Variants in RYR2 observed in about 807,000 individuals in gnomAD.
RYR2 encodes the protein cardiac muscle ryanodine receptor-calcium release channel.
RYR2 carries 227 observed loss-of-function variants against 601.1 expected under a neutral mutation model. The observed-to-expected ratio is 0.38, with a 90% confidence interval of 0.34 to 0.42. The LOEUF is 0.42. Among genes scored for constraint, RYR2 ranks in the 10% least tolerant of loss-of-function variants. RYR2 has a pLI of 1.00. For missense variants in RYR2, 4,646 were observed against 6,156.5 expected, an observed-to-expected ratio of 0.75 and a Z score of 8.21; for synonymous variants, 2,223 against 2,175.1, an observed-to-expected ratio of 1.02 and a Z score of -0.61.
chr1:237,148,313 A>G (rs1392490533), intron 1 of RYR2, among the ~76,000 whole-genome samples: 3 of 151,886 alleles, frequency 2.0e-5, no homozygotes, highest in South Asian at 4.2e-4. Context: ...ATGAGAACAC[A>G]TGGACACAGT....
At chr1:237,131,391 C>T (rs1672157270) in intron 1 of RYR2, among the ~76,000 whole-genome samples, 1 of 151,830 alleles carries the variant, frequency 6.6e-6, no homozygotes, top group South Asian at 2.1e-4. Flanking sequence ...ATGAGATAAA[C>T]AAAAGAGTCA....
intron 34 of RYR2, among the ~76,000 whole-genome samples, chr1:237,601,492 A>T (rs1206446864): frequency 6.6e-6 from 1 of 152,142 alleles, no homozygotes; most frequent in Admixed American, 6.5e-5. Flanking sequence ...AACATTAGAA[A>T]GGAAGAATAA....
At chr1:237,132,682 G>A (rs774606829) in intron 1 of RYR2, among the ~76,000 whole-genome samples, 32 of 152,140 alleles carry the variant, frequency 2.1e-4, no homozygotes, top group Admixed American at 1.0e-3. Context: ...ACTCACAGAA[G>A]GAAAAGAAAG....
chr1:237,277,778 C>T (rs1690439784), intron 2 of RYR2, among the ~76,000 whole-genome samples: 1 of 151,640 alleles, frequency 6.6e-6, no homozygotes, highest in South Asian at 2.1e-4. Context: ...CGAGATCGTA[C>T]CACTGCATTG....
intron 1 of RYR2, among the ~76,000 whole-genome samples, chr1:237,136,262 A>G (rs1209140072): frequency 6.6e-6 from 1 of 152,186 alleles, no homozygotes; most frequent in Non-Finnish European, 1.5e-5. Flanking sequence ...GACTGAGACC[A>G]CCATAATGCA....
chr1:237,789,059 AAATTTTTAT>A (rs1277106684), intron 92 of RYR2, among the ~76,000 whole-genome samples: 3 of 151,580 alleles, frequency 2.0e-5, no homozygotes, highest in East Asian at 1.9e-4. Flanking sequence ...TAATTTTTAT[AAATTTTTAT>A]AATTTTTATA....
At chr1:237,211,293 A>G (rs1214382981) in intron 1 of RYR2, among the ~76,000 whole-genome samples, 2 of 152,136 alleles carry the variant, frequency 1.3e-5, no homozygotes, top group Non-Finnish European at 2.9e-5. Context: ...TTTAGATTTG[A>G]CTATATGTGT....
intron 25 of RYR2, among the ~76,000 whole-genome samples, chr1:237,533,893 A>T (rs950513984): frequency 6.6e-6 from 1 of 152,128 alleles, no homozygotes; most frequent in African/African-American, 2.4e-5. Flanking sequence ...AGTTAATTTT[A>T]TTATAATGCT....
Position 237,660,912 on chromosome 1 carries a change from T to G in RYR2, c.8401T>G (p.Tyr2801Asp). ...RTREGDSMAL[Y>D]NRTRRISQTS... ...TCGGGAGGGAGACAGCATGGCCCTT[T>G]ACAACCGGACTCGTCGTATTTCTCA... Residue 2801 changes from tyrosine to aspartate, a missense_variant, in exon 56 of 105, where the codon TAC becomes GAC. Around this residue, in one of 17 missense-constraint regions of RYR2, gnomAD observed 1,497 missense variants for 1,842.6 expected, o/e 0.81. Coordinates refer to ENST00000366574, the MANE Select transcript of RYR2 (RefSeq NM_001035.3). 6.6e-7 allele frequency: 1 copy of G among 1,504,144 alleles called. No individual in the cohort carries two copies. 93.2% of individuals were successfully genotyped at this position (1,504,144 alleles called of 1,614,324 possible).
At position 237,112,412 on chromosome 1, in the gene RYR2, C is replaced by T. The variant is rs555057269; in HGVS notation, c.48+69843C>T. ...TACAGGCGTGAGCCACCGTGCCCGG[C>T]CCCCTCCTCTCTTTTTATCTCTCTG... On this transcript the variant is annotated intron_variant, in intron 1 of 104. Transcript: ENST00000366574. 2.0e-5 allele frequency among the ~76,000 whole-genome samples: 3 copies of T among 152,270 alleles called. No homozygotes were observed. The South Asian group carries it at 6.2e-4, about 32-fold the overall frequency.
intron 42 of RYR2, among the ~76,000 whole-genome samples, chr1:237,631,915 G>C (rs997463248): frequency 6.6e-6 from 1 of 151,710 alleles, no homozygotes; most frequent in Non-Finnish European, 1.5e-5. Flanking sequence ...TTACAGGCGT[G>C]AGCCACCGCG....
rs549213632 is a variant in RYR2 at position 237,148,566 on chromosome 1, A to G, written c.48+105997A>G. 1.2e-3 allele frequency among the ~76,000 whole-genome samples: 129 copies of G among 110,668 alleles called. 1 individual carries two copies. The highest frequency in any genetic ancestry group is 4.0e-3 in the African/African-American group (128 of 31,862). The allele number at this position is 110,668 out of a possible 152,430, so 72.6% of individuals were successfully genotyped here. ...TATATATATATATACACACACACATATATATATATATACACACACATATAT... is the reference window on the plus strand; with the variant it reads ...TATATATATATATACACACACACATGTATATATATATACACACACATATAT... On this transcript the variant is annotated intron_variant, in intron 1 of 104. Coordinates refer to ENST00000366574, the MANE Select transcript of RYR2 (RefSeq NM_001035.3).
intron 13 of RYR2, 92 bp from the exon 14 acceptor site, chr1:237,445,309 G>T: frequency 1.3e-6 from 2 of 1,525,474 alleles, no homozygotes; most frequent in Admixed American, 1.8e-5. Flanking sequence ...TCTATCTGTT[G>T]TTATGGCTCA....
chr1:237,610,771 C>A lies in RYR2; in HGVS notation c.4693C>A (p.Pro1565Thr). The A allele has an allele frequency of 6.2e-7, 1 of 1,603,168 alleles. No homozygotes were observed. Among genetic ancestry groups the A allele is most frequent in the African/African-American group, 1.3e-5 (1 of 74,834 alleles). The stretch of plus-strand genomic sequence containing the variant: ...CCTCCCCATCCGCTAGAATGTGATG[C>A]CTCTCTCGGCGGGATTATTCAAGAG... The part of the protein sequence containing the change: ...FELGRIKNVM[P>T]LSAGLFKSEH... The change falls in exon 36 of 105, where the codon CCT becomes ACT. Residue 1565 changes from proline (P) to threonine (T), a missense_variant. Physicochemically the swap from Pro to Thr is conservative, Grantham distance 38. Around this residue, in one of 17 missense-constraint regions of RYR2, gnomAD observed 1,807 missense variants for 2,088.1 expected, o/e 0.87. Coordinates refer to ENST00000366574, the MANE Select transcript of RYR2 (RefSeq NM_001035.3). This position sits in a 1 kb window ranked among gnomAD's most constrained non-coding sequence, Gnocchi z 4.9.
intron 1 of RYR2, among the ~76,000 whole-genome samples, chr1:237,211,609 A>G (rs1682580595): frequency 6.6e-6 from 1 of 152,196 alleles, no homozygotes; most frequent in Non-Finnish European, 1.5e-5. Flanking sequence ...TGAATCATCT[A>G]CTTTCCAGAA....
chr1:237,094,707 T>C (rs2148481736), intron 1 of RYR2, among the ~76,000 whole-genome samples: 1 of 152,294 alleles, frequency 6.6e-6, no homozygotes. Flanking sequence ...TTCTCCTGCC[T>C]TAGCCTTCCG....
chr1:237,654,287 A>G lies in RYR2; in HGVS notation c.7838A>G (p.His2613Arg). The G allele has an allele frequency of 1.2e-6, 2 of 1,613,916 alleles. No individual in the cohort carries two copies. The highest frequency in any genetic ancestry group is 1.7e-6 in the Non-Finnish European group (2 of 1,179,822). Reference sequence around the variant, plus strand: ...TTTCCCACATAGCTGCTGACAAATCATTATGAAAGATGCTGGAAATATTAC... The same window carrying G: ...TTTCCCACATAGCTGCTGACAAATCGTTATGAAAGATGCTGGAAATATTAC... ...AKMPLKLLTNHYERCWKYYCL... is the reference protein window; with the variant it reads ...AKMPLKLLTNRYERCWKYYCL... Residue 2613 changes from histidine to arginine, a missense_variant, in exon 52 of 105, where the codon CAT becomes CGT. Physicochemically the swap from His to Arg is conservative, Grantham distance 29 (BLOSUM62 0). This residue lies in a region of RYR2 where 1,497 missense variants were observed against 1,842.6 expected (regional missense o/e 0.81). Coordinates refer to ENST00000366574, the MANE Select transcript of RYR2 (RefSeq NM_001035.3).
At chr1:237,251,570 A>G (rs73123348) in intron 1 of RYR2, among the ~76,000 whole-genome samples, 2,968 of 152,164 alleles carry the variant, frequency 0.02, 98 homozygotes, top group African/African-American at 0.066. Flanking sequence ...CCAACCTCAT[A>G]ATGTTGGTGT....
intron 1 of RYR2, among the ~76,000 whole-genome samples, chr1:237,112,258 C>T (rs986606316): frequency 3.9e-5 from 6 of 152,090 alleles, no homozygotes; most frequent in Non-Finnish European, 7.4e-5. Context: ...GGATTACAAG[C>T]GTCCACCACC....
Sources: allele counts gnomAD v4.1 joint callset (sites outside exome capture counted in the v4.1 genomes callset), GRCh38; gene constraint gnomAD v4.1.1; regional missense constraint gnomAD v4.1.1; non-coding constraint Gnocchi (gnomAD v3.1); transcripts MANE v1.5; gene names NCBI Gene and HGNC (gene_info 2026-07-23, HGNC 2026-07-21).